NUP188: variants seen among roughly 807,000 people sequenced by gnomAD.
NUP188 encodes nucleoporin NUP188.
A neutral mutation model predicts 223.0 loss-of-function variants in NUP188; 97 were observed. The ratio of observed to expected loss-of-function variants is 0.43; its 90% CI spans 0.37 to 0.51. The LOEUF (loss-of-function observed/expected upper bound fraction) is 0.51, where lower values mean the gene tolerates loss of function less well. NUP188 is among the 20% of genes least tolerant of loss of function. The pLI is 0.00. For synonymous variants in NUP188, 869 were observed against 828.0 expected, an observed-to-expected ratio of 1.05 and a Z score of -0.85; for missense variants, 1,947 against 2,175.6, an observed-to-expected ratio of 0.89 and a Z score of 2.09.
chr9:128,990,986 C>A (rs1395962263), intron 25 of NUP188, among the ~76,000 whole-genome samples: 1 of 152,202 alleles, frequency 6.6e-6, no homozygotes, highest in Non-Finnish European at 1.5e-5. Flanking sequence ...CCACTGCACT[C>A]CAGCCTGGGC....
In NUP188 at chr9:128,986,600, G is replaced by C. The variant is rs573114673; in HGVS notation, c.2119G>C (p.Val707Leu). ...CCAGAGCCAAGGACTTGTACCCTGTGTAATGTTTGTGCTGAAGGAGATGCT... is the reference window on the plus strand; with the variant it reads ...CCAGAGCCAAGGACTTGTACCCTGTCTAATGTTTGTGCTGAAGGAGATGCT... ...STQSQGLVPC[V>L]MFVLKEMLPS... is the part of the protein sequence containing the mutation. The change falls in exon 21 of 44, where the codon GTA becomes CTA. Residue 707 changes from valine to leucine, a missense_variant. By Grantham distance (32) the Val-to-Leu change is conservative. Around this residue, in one of 3 missense-constraint regions of NUP188, gnomAD observed 817 missense variants for 865.8 expected, o/e 0.94. Transcript: ENST00000372577. The C allele has an allele frequency of 1.2e-6, 2 of 1,614,194 alleles. No homozygotes were observed. Among genetic ancestry groups the C allele is most frequent in the African/African-American group, 2.7e-5 (2 of 75,056 alleles).
intron 34 of NUP188, 30 bp from the exon 35 acceptor site, chr9:129,001,499 C>G: frequency 1.3e-6 from 2 of 1,599,902 alleles, no homozygotes; most frequent in South Asian, 2.2e-5. Context: ...CTTCTTCTTC[C>G]CCCTTTTACT....
intron 8 of NUP188, among the ~76,000 whole-genome samples, chr9:128,965,257 A>C (rs1013714408): frequency 1.3e-5 from 2 of 152,052 alleles, no homozygotes; most frequent in African/African-American, 4.8e-5. Context: ...AGAGCTATTC[A>C]AGTTTCCTGT....
At chr9:128,950,464 G>A (rs1407517006) in intron 2 of NUP188, among the ~76,000 whole-genome samples, 1 of 152,170 alleles carries the variant, frequency 6.6e-6, no homozygotes, top group Non-Finnish European at 1.5e-5. Context: ...CAGGTGATCT[G>A]CCCACCTCAG....
rs200310570 is a variant in NUP188, at chr9:128,999,283, A to T, written c.3627A>T (p.Ala1209=). 16 of 1,614,200 alleles carry T rather than the reference A, an allele frequency of 9.9e-6. No homozygotes were observed. In the East Asian group the frequency reaches 3.3e-4, roughly 34 times the overall value. The change falls in exon 33 of 44, where the codon GCA becomes GCT. Residue 1209 remains alanine, a synonymous_variant. Transcript: ENST00000372577. The part of the protein sequence containing the change: ...MEKTKAKVFS[A]FITVLQMKEM... ...AGACCAAGGCCAAGGTGTTCTCAGCATTCATCACAGTGTTGCAAATGAAGG... is the reference window on the plus strand; with the variant it reads ...AGACCAAGGCCAAGGTGTTCTCAGCTTTCATCACAGTGTTGCAAATGAAGG...
chr9:128,983,057 G>T (rs750820768), intron 17 of NUP188, 29 bp downstream of exon 17: 14 of 1,612,140 alleles, frequency 8.7e-6, no homozygotes, highest in Non-Finnish European at 8.5e-7. Flanking sequence ...ACCCTCAGCT[G>T]CCCAGTAGAG....
At chr9:128,987,544 A>G (rs1447565770) in intron 22 of NUP188, 45 bp from the exon 23 acceptor site, 5 of 1,586,480 alleles carry the variant, frequency 3.2e-6, no homozygotes, top group Non-Finnish European at 4.3e-6. Context: ...CTTCCAAGAT[A>G]CACTGAGTGG....
chr9:129,005,052 G>C (rs548241743), intron 38 of NUP188, 95 bp from the exon 39 acceptor site: 2 of 811,258 alleles, frequency 2.5e-6, no homozygotes, highest in Non-Finnish European at 4.3e-6. Flanking sequence ...AGTGAGGAGC[G>C]CATGGGTGTT....
chr9:129,005,102 G>C (rs751456441), intron 38 of NUP188, 45 bp from the exon 39 acceptor site: 1 of 1,500,040 alleles, frequency 6.7e-7, no homozygotes, highest in Non-Finnish European at 9.3e-7. Context: ...GGGTGACTGG[G>C]CTGCTGACAA....
In NUP188 at chr9:128,966,298, G is replaced by T. The variant is rs183060926; in HGVS notation, c.586-2208G>T. On this transcript the variant is annotated intron_variant, in intron 8 of 43. Coordinates refer to ENST00000372577, the MANE Select transcript of NUP188 (RefSeq NM_015354.3). ...TGTGTGTGTGTGTGTTTGTGTGTGT[G>T]TATGTGTTAGAAGTCTCACTGTCAC... 5.9e-5 allele frequency among the ~76,000 whole-genome samples: 9 copies of T among 151,804 alleles called. No homozygotes were observed. In the East Asian group the frequency reaches 1.4e-3, roughly 23 times the overall value.
chr9:128,959,984 T>C (rs1023889961), intron 8 of NUP188, among the ~76,000 whole-genome samples: 1 of 152,118 alleles, frequency 6.6e-6, no homozygotes, highest in African/African-American at 2.4e-5. Flanking sequence ...GTTTAGTGGT[T>C]AATAGAATTC....
chr9:128,983,081 T>G, intron 17 of NUP188, 53 bp downstream of exon 17: 1 of 1,604,714 alleles, frequency 6.2e-7, no homozygotes, highest in East Asian at 2.2e-5. Context: ...TCAGCACTTG[T>G]GCCCTCAGTT....
intron 26 of NUP188, 24 bp from the exon 27 acceptor site, chr9:128,993,501 A>G (rs1842465656): frequency 6.2e-7 from 1 of 1,613,376 alleles, no homozygotes; most frequent in African/African-American, 1.3e-5. Flanking sequence ...GTGGAACTGA[A>G]CTCTTACCTG....
At position 129,006,162 on chromosome 9, in the gene NUP188, A is replaced by G. The variant is rs753804172; in HGVS notation, c.4943+39A>G. 19 of 1,613,882 alleles carry G rather than the reference A, an allele frequency of 1.2e-5. No individual in the cohort carries two copies. The Admixed American group carries it at 3.2e-4, about 27-fold the overall frequency. The stretch of plus-strand genomic sequence containing the variant: ...CTGGGATTTGATAAGGGGCTGGGGC[A>G]GTCATGGGCCCACTGTTCTCAAGCT... On this transcript the variant is annotated intron_variant, in intron 42 of 43. Coordinates refer to ENST00000372577, the MANE Select transcript of NUP188 (RefSeq NM_015354.3).
At chr9:128,983,715 C>T (rs912983761) in intron 19 of NUP188, among the ~76,000 whole-genome samples, 165 bp downstream of exon 19, 5 of 151,928 alleles carry the variant, frequency 3.3e-5, no homozygotes, top group African/African-American at 9.7e-5. Flanking sequence ...GTGCAGCCTC[C>T]GCCTCCCATG....
In NUP188 at chr9:128,981,245, G is replaced by T. The variant is rs766771690; in HGVS notation, c.1390-19G>T. On this transcript the variant is annotated intron_variant, in intron 14 of 43. Transcript: ENST00000372577. ...TTATCCTGGAGGGAAATGTGTGATG[G>T]TTTTTTCTGTTTTGGCAGGTGTATA... 2 of 1,610,604 alleles carry T rather than the reference G, an allele frequency of 1.2e-6. No individual in the cohort carries two copies. Among genetic ancestry groups the T allele is most frequent in the South Asian group, 2.2e-5 (2 of 90,322 alleles).
Position 128,999,772 on chromosome 9 carries a change from T to G in NUP188, c.3810T>G (p.Cys1270Trp). ...EDKDSMETDD[C>W]SRSRHRDQRD... ...AGGACAGCATGGAGACTGACGACTG[T>G]TCTCGGTCCCGGCACAGGGACCAGC... Residue 1270 changes from cysteine (C) to tryptophan (W), a missense_variant, in exon 34 of 44, where the codon TGT (cysteine) becomes TGG (tryptophan). This residue lies in a region of NUP188 where 905 missense variants were observed against 990.6 expected (regional missense o/e 0.91). Coordinates refer to ENST00000372577, the MANE Select transcript of NUP188 (RefSeq NM_015354.3). 1 of 1,614,200 alleles carries G rather than the reference T, an allele frequency of 6.2e-7. No individual in the cohort carries two copies. Among genetic ancestry groups the G allele is most frequent in the Non-Finnish European group, 8.5e-7 (1 of 1,180,032 alleles).
chr9:129,005,819 TC>T, intron 41 of NUP188, 43 bp downstream of exon 41: 1 of 1,546,336 alleles, frequency 6.5e-7, no homozygotes, highest in Non-Finnish European at 8.7e-7. Flanking sequence ...CCCCGGCTCC[TC>T]CCCCTGCCTG....
intron 1 of NUP188, 136 bp downstream of exon 1, chr9:128,947,887 C>A: frequency 1.2e-6 from 1 of 804,518 alleles, no homozygotes; most frequent in Non-Finnish European, 1.7e-6. Flanking sequence ...GGCACCGAGA[C>A]GGGAGGCGGT....
Sources: gnomAD v4.1 joint callset for allele counts (sites outside exome capture counted in the v4.1 genomes callset) on GRCh38, gnomAD v4.1.1 for gene constraint, gnomAD v4.1.1 regional missense constraint, MANE v1.5 for transcripts, NCBI Gene and HGNC (gene_info 2026-07-23, HGNC 2026-07-21) for gene names.